TNIP3: variants seen among roughly 807,000 people sequenced by gnomAD.
TNIP3 encodes TNFAIP3-interacting protein 3.
TNIP3 carries 34 observed loss-of-function variants against 54.1 expected under a neutral mutation model. That is an observed-to-expected ratio of 0.63 (90% CI 0.48 to 0.84). The LOEUF (loss-of-function observed/expected upper bound fraction) is 0.84. TNIP3 is among the 40% of genes least tolerant of loss of function. The pLI is 0.00. For missense variants in TNIP3, 366 were observed against 387.6 expected, an observed-to-expected ratio of 0.94 and a Z score of 0.47; for synonymous variants, 134 against 136.8, an observed-to-expected ratio of 0.98 and a Z score of 0.14.
chr4:121,135,697 C>A (rs145148910), intron 10 of TNIP3, among the ~76,000 whole-genome samples: 1 of 152,304 alleles, frequency 6.6e-6, no homozygotes, highest in East Asian at 1.9e-4. Context: ...CCACTCCTGG[C>A]CTTAAACTAG....
intron 6 of TNIP3, among the ~76,000 whole-genome samples, chr4:121,149,363 T>C (rs888944370): frequency 5.9e-5 from 9 of 152,218 alleles, no homozygotes; most frequent in Non-Finnish European, 1.2e-4. Context: ...GTATTTTCTT[T>C]GAAACTGCTC....
intron 1 of TNIP3, among the ~76,000 whole-genome samples, chr4:121,222,189 A>AT (rs761984366): frequency 3.3e-5 from 5 of 152,136 alleles, no homozygotes; most frequent in Non-Finnish European, 7.4e-5. Context: ...ATATTAGTGA[A>AT]TTTCTTCCCC....
At chr4:121,181,380 G>A (rs1054187162) in intron 3 of TNIP3, among the ~76,000 whole-genome samples, 5 of 152,142 alleles carry the variant, frequency 3.3e-5, no homozygotes, top group Non-Finnish European at 5.9e-5. Flanking sequence ...TGAGGGCTTC[G>A]AGTTGGGATG....
chr4:121,194,668 A>G (rs2148835219), intron 2 of TNIP3, among the ~76,000 whole-genome samples: 2 of 152,328 alleles, frequency 1.3e-5, no homozygotes, highest in Middle Eastern at 6.8e-3. Context: ...TCAAATAGTA[A>G]AAAACACAAA....
intron 2 of TNIP3, among the ~76,000 whole-genome samples, chr4:121,185,287 G>T (rs1407887586): frequency 2.0e-5 from 3 of 152,160 alleles, no homozygotes; most frequent in African/African-American, 7.2e-5. Context: ...AGGCCTTGGT[G>T]TTTGCTCTTC....
Position 121,157,076 on chromosome 4 carries a change from G to A in TNIP3, c.363+18C>T, listed in dbSNP as rs748275006. On this transcript the variant is annotated intron_variant, in intron 4 of 10. Transcript: ENST00000057513. ...TTTATTTGGATCCTCCGGGCTCGAG[G>A]ACCCGGGCCCCGCCCACCTCCTCCC... 2 of 1,613,448 alleles carry A rather than the reference G, an allele frequency of 1.2e-6. No homozygotes were observed. Among genetic ancestry groups the A allele is most frequent in the Admixed American group, 1.7e-5 (1 of 59,998 alleles).
At chr4:121,187,928 A>T (rs1302035354) in intron 2 of TNIP3, among the ~76,000 whole-genome samples, 1 of 152,068 alleles carries the variant, frequency 6.6e-6, no homozygotes, top group Non-Finnish European at 1.5e-5. Context: ...CACTTTTACT[A>T]TGTTTTCTTT....
intron 3 of TNIP3, among the ~76,000 whole-genome samples, chr4:121,170,354 C>A (rs1271350601): frequency 6.6e-6 from 1 of 152,056 alleles, no homozygotes; most frequent in Non-Finnish European, 1.5e-5. Flanking sequence ...CATAGCACAC[C>A]CCTGCTTTTC....
chr4:121,205,431 C>T (rs1030762815), intron 2 of TNIP3, among the ~76,000 whole-genome samples: 32 of 151,884 alleles, frequency 2.1e-4, no homozygotes, highest in African/African-American at 7.5e-4. Flanking sequence ...CAAGGAGGTT[C>T]GTGGGCATTG....
intron 2 of TNIP3, among the ~76,000 whole-genome samples, chr4:121,202,785 C>G (rs1460827621): frequency 1.3e-5 from 2 of 151,952 alleles, no homozygotes; most frequent in Non-Finnish European, 2.9e-5. Context: ...ATAGATAATT[C>G]CCAAAAGAAG....
At chr4:121,227,428 T>C in exon 1 of TNIP3, 1 of 1,528,016 alleles carries the variant, frequency 6.5e-7, no homozygotes, top group Non-Finnish European at 8.8e-7. Context: ...GGTAAGCGTA[T>C]TACAAGGTCT....
intron 3 of TNIP3, among the ~76,000 whole-genome samples, chr4:121,176,053 T>A (rs539819210): frequency 6.6e-6 from 1 of 152,370 alleles, no homozygotes; most frequent in East Asian, 1.9e-4. Flanking sequence ...AAATTAACCA[T>A]GGGATCAAAT....
At chr4:121,170,086 G>A (rs1469732478) in intron 3 of TNIP3, among the ~76,000 whole-genome samples, 1 of 152,092 alleles carries the variant, frequency 6.6e-6, no homozygotes, top group Admixed American at 6.5e-5. Flanking sequence ...AGTCTCCCCT[G>A]GTCTTCCAGA....
At chr4:121,193,808 A>C (rs1389803037) in intron 2 of TNIP3, among the ~76,000 whole-genome samples, 3 of 152,176 alleles carry the variant, frequency 2.0e-5, no homozygotes, top group Non-Finnish European at 4.4e-5. Flanking sequence ...GATGCATTAA[A>C]AAAAGTTTCA....
chr4:121,207,003 G>T (rs921334521), intron 2 of TNIP3, among the ~76,000 whole-genome samples: 2 of 152,052 alleles, frequency 1.3e-5, no homozygotes, highest in Non-Finnish European at 2.9e-5. Flanking sequence ...ACTCCAAAGG[G>T]CAAACAGCTA....
chr4:121,191,292 T>G (rs569810277), intron 2 of TNIP3, among the ~76,000 whole-genome samples: 11 of 152,330 alleles, frequency 7.2e-5, no homozygotes, highest in African/African-American at 2.6e-4. Context: ...TGGCACTTGA[T>G]CTAACATTTG....
chr4:121,181,612 G>A (rs1724702591), intron 3 of TNIP3, among the ~76,000 whole-genome samples: 1 of 137,808 alleles, frequency 7.3e-6, no homozygotes, highest in Admixed American at 7.5e-5. Flanking sequence ...AAGAGGGTAA[G>A]TTAATAAGAC....
intron 9 of TNIP3, among the ~76,000 whole-genome samples, chr4:121,141,355 G>T (rs2148797069): frequency 6.6e-6 from 1 of 152,198 alleles, no homozygotes; most frequent in South Asian, 2.1e-4. Context: ...ACTTTTTCTT[G>T]GATCCTTTAA....
intron 5 of TNIP3, 71 bp downstream of exon 5, chr4:121,154,480 G>C (rs752974964): frequency 3.2e-6 from 5 of 1,585,148 alleles, no homozygotes; most frequent in Non-Finnish European, 4.3e-6. Flanking sequence ...AGATTTTGTT[G>C]CGACTGTCAG....
Sources: gnomAD v4.1 joint callset for allele counts (sites outside exome capture counted in the v4.1 genomes callset) on GRCh38, gnomAD v4.1.1 for gene constraint, MANE v1.5 for transcripts, NCBI Gene and HGNC (gene_info 2026-07-23, HGNC 2026-07-21) for gene names.